The following ARB2A variants were observed in gnomAD, a reference collection of about 807,000 sequenced individuals.
ARB2A encodes ARB2 cotranscriptional regulator A.
chr5:93,644,807 G>A, the ARB2A span, among the ~76,000 whole-genome samples: 389 of 152,184 alleles, frequency 2.6e-3, 2 homozygotes, highest in African/African-American at 8.8e-3. Context: ...CCTGTGCCAC[G>A]GTGATATGAT....
chr5:94,076,759 T>C, the ARB2A span, among the ~76,000 whole-genome samples: 4 of 152,148 alleles, frequency 2.6e-5, no homozygotes, highest in East Asian at 7.7e-4. Flanking sequence ...TGCTAAATAT[T>C]CTACAACTAA....
chr5:93,765,309 C>T, the ARB2A span, among the ~76,000 whole-genome samples: 12 of 152,186 alleles, frequency 7.9e-5, no homozygotes, highest in South Asian at 2.5e-3. Context: ...TTGTCTCAGC[C>T]CAAAATCTCC....
the ARB2A span, among the ~76,000 whole-genome samples, chr5:93,853,022 C>A: frequency 6.6e-6 from 1 of 152,290 alleles, no homozygotes; most frequent in East Asian, 1.9e-4. Context: ...ATGGGGATGG[C>A]ATTGGATCTA....
At chr5:93,632,852 A>G in the ARB2A span, among the ~76,000 whole-genome samples, 1 of 152,242 alleles carries the variant, frequency 6.6e-6, no homozygotes, top group Non-Finnish European at 1.5e-5. Context: ...GTAGTGAATT[A>G]AAAAATGGAG....
the ARB2A span, among the ~76,000 whole-genome samples, chr5:94,066,422 GCACACACACACACACA>G: frequency 1.4e-4 from 18 of 132,518 alleles, no homozygotes; most frequent in South Asian, 2.6e-3. Flanking sequence ...GCCAGACTAA[GCACACACACACACACA>G]CACACACACA....
the ARB2A span, chr5:93,824,033 TG>T: frequency 1.3e-6 from 1 of 794,188 alleles, no homozygotes; most frequent in Non-Finnish European, 1.8e-6. Context: ...ACTCAAAATA[TG>T]TTATTTTCCT....
chr5:93,806,046 C>T, the ARB2A span: 20 of 633,736 alleles, frequency 3.2e-5, no homozygotes, highest in African/African-American at 3.8e-4. Context: ...AATTTAACCA[C>T]CAGAGACAAG....
the ARB2A span, among the ~76,000 whole-genome samples, chr5:93,884,305 G>C: frequency 6.6e-6 from 1 of 151,492 alleles, no homozygotes; most frequent in Non-Finnish European, 1.5e-5. Flanking sequence ...AGAAATCATA[G>C]ATTGAAAAAT....
At chr5:94,035,322 G>A in the ARB2A span, among the ~76,000 whole-genome samples, 6 of 151,668 alleles carry the variant, frequency 4.0e-5, no homozygotes, top group African/African-American at 1.5e-4. Context: ...GTAAATCTAG[G>A]AAATATATTT....
At chr5:93,817,613 A>G in the ARB2A span, among the ~76,000 whole-genome samples, 1 of 152,310 alleles carries the variant, frequency 6.6e-6, no homozygotes. Flanking sequence ...TGGTACTGGT[A>G]TGAAGACAGG....
the ARB2A span, among the ~76,000 whole-genome samples, chr5:94,066,694 A>C: frequency 6.6e-6 from 1 of 152,136 alleles, no homozygotes; most frequent in African/African-American, 2.4e-5. Flanking sequence ...TAGTAATAAA[A>C]AGTCTCCCAA....
At chr5:93,878,973 G>A in the ARB2A span, among the ~76,000 whole-genome samples, 2 of 151,970 alleles carry the variant, frequency 1.3e-5, no homozygotes, top group Non-Finnish European at 2.9e-5. Flanking sequence ...ATAAAATCAG[G>A]ACAAAATGAT....
At chr5:94,048,817 G>A in the ARB2A span, among the ~76,000 whole-genome samples, 1 of 152,168 alleles carries the variant, frequency 6.6e-6, no homozygotes, top group African/African-American at 2.4e-5. Flanking sequence ...CTTGGAGGGA[G>A]ATACAACCTC....
chr5:93,998,426 T>C, the ARB2A span, among the ~76,000 whole-genome samples: 1 of 152,036 alleles, frequency 6.6e-6, no homozygotes, highest in Non-Finnish European at 1.5e-5. Context: ...ATTTAGAATA[T>C]ATCCTTCCTT....
the ARB2A span, among the ~76,000 whole-genome samples, chr5:94,080,746 C>T: frequency 1.3e-5 from 2 of 152,292 alleles, no homozygotes; most frequent in South Asian, 4.1e-4. Flanking sequence ...GAGCTTGCTG[C>T]CAGGTTGGTT....
At chr5:93,805,195 A>G in the ARB2A span, 6 of 985,146 alleles carry the variant, frequency 6.1e-6, no homozygotes, top group Non-Finnish European at 3.6e-6. Flanking sequence ...TTAAAGGGAA[A>G]TAATGAGAAC....
At chr5:94,020,188 T>C in the ARB2A span, among the ~76,000 whole-genome samples, 1 of 144,846 alleles carries the variant, frequency 6.9e-6, no homozygotes, top group Admixed American at 7.2e-5. Context: ...CCACATGTTC[T>C]CACTCATAAG....
chr5:93,903,072 T>C, the ARB2A span, among the ~76,000 whole-genome samples: 1 of 152,128 alleles, frequency 6.6e-6, no homozygotes, highest in East Asian at 1.9e-4. Context: ...ATTTTATAAA[T>C]TGTAACATGG....
the ARB2A span, among the ~76,000 whole-genome samples, chr5:93,637,726 A>C: frequency 6.6e-6 from 1 of 152,188 alleles, no homozygotes; most frequent in Non-Finnish European, 1.5e-5. Context: ...CTTTGCCTTT[A>C]CATAGAAATT....
Sources: gnomAD v4.1 joint callset for allele counts (sites outside exome capture counted in the v4.1 genomes callset) on GRCh38, gnomAD v4.1.1 for gene constraint, MANE v1.5 for transcripts, NCBI Gene and HGNC (gene_info 2026-07-23, HGNC 2026-07-21) for gene names.